FYB1: variants seen among roughly 807,000 people sequenced by gnomAD.
FYB1 encodes FYN-binding protein 1.
Under a neutral mutation model 94.1 loss-of-function variants are expected in FYB1, and 41 were observed. The ratio of observed to expected loss-of-function variants is 0.44; its 90% CI spans 0.34 to 0.57. FYB1 has a LOEUF of 0.57. Ranked by LOEUF, FYB1 falls within the 20% of genes least tolerant of loss-of-function variation. The probability of loss-of-function intolerance (pLI) is 0.02; values close to 1 mark genes in which losing one functional copy is unlikely to be tolerated. For missense variants in FYB1, 1,050 were observed against 976.8 expected (o/e 1.07, Z -1.00); for synonymous variants, 367 against 353.2 (o/e 1.04, Z -0.44).
intron 1 of FYB1, among the ~76,000 whole-genome samples, chr5:39,204,355 C>T (rs1240020896): frequency 1.3e-5 from 2 of 152,128 alleles, no homozygotes; most frequent in Non-Finnish European, 1.5e-5. Flanking sequence ...GAAAATGAGG[C>T]TGGAACTGCA....
At position 39,148,153 on chromosome 5, in the gene FYB1, TTTTA is replaced by T. The variant is rs1468444514; in HGVS notation, c.1292+5291_1292+5294del. ...TCATTATATGTATATTATATGTATTTTTTATATATATATATATATATATATATAT... is the reference window on the plus strand; with the variant it reads ...TCATTATATGTATATTATATGTATTTTATATATATATATATATATATATAT... On this transcript the variant is annotated intron_variant, in intron 3 of 18. Transcript: ENST00000512982. Among the ~76,000 whole-genome samples the T allele has an allele frequency of 7.9e-3, 631 of 79,410 alleles. 56 individuals are homozygous for T. Among genetic ancestry groups the T allele is most frequent in the African/African-American group, 0.014 (276 of 19,196 alleles). The allele number at this position is 79,410 out of a possible 152,430, so 52.1% of individuals were successfully genotyped here. A position where few individuals can be genotyped will look rare whatever the true frequency, so the allele number is the denominator to read the frequency against.
At chr5:39,201,062 A>C (rs1167741411) in intron 2 of FYB1, among the ~76,000 whole-genome samples, 1 of 152,210 alleles carries the variant, frequency 6.6e-6, no homozygotes, top group Non-Finnish European at 1.5e-5. Flanking sequence ...CTAACTATAT[A>C]TTACTTTATG....
intron 1 of FYB1, among the ~76,000 whole-genome samples, chr5:39,239,889 C>A (rs1582392): frequency 0.14 from 21,083 of 152,112 alleles, 3,837 homozygotes; most frequent in African/African-American, 0.4. Context: ...CTGTAGCCAT[C>A]ACATTACTCA....
At chr5:39,240,082 CCATATT>C (rs2150585470) in intron 1 of FYB1, among the ~76,000 whole-genome samples, 1 of 152,266 alleles carries the variant, frequency 6.6e-6, no homozygotes. Flanking sequence ...GGAAAGGACT[CCATATT>C]CATAAATGGT....
In FYB1 at chr5:39,126,011, T is replaced by C; in HGVS notation, c.2032A>G (p.Asn678Asp). The C allele has an allele frequency of 6.2e-7, 1 of 1,613,382 alleles. No homozygotes were observed. The highest frequency in any genetic ancestry group is 8.5e-7 in the Non-Finnish European group (1 of 1,179,600). ...EKPKVSDSDN[N>D]EGSSFPAPPK... ...GTTGACTCTTACGATGAACCTTCAT[T>C]ATTGTCTGAGTCAGAGACTTTAGGT... Residue 678 changes from asparagine to aspartate, a missense_variant, in exon 12 of 19, where the codon AAT becomes GAT. Coordinates refer to ENST00000512982, the MANE Select transcript of FYB1 (RefSeq NM_001465.6).
At position 39,263,417 on chromosome 5, in the gene FYB1, G is replaced by A. The variant is rs1379691515; in HGVS notation, c.-28+10986C>T. Among the ~76,000 whole-genome samples, 3 of 152,148 alleles carry A rather than the reference G, an allele frequency of 2.0e-5. No individual in the cohort carries two copies. In the East Asian group the frequency reaches 5.8e-4, roughly 29 times the overall value. On this transcript the variant is annotated intron_variant, in intron 1 of 1. Coordinates refer to the FYB1 transcript ENST00000510188. The stretch of plus-strand genomic sequence containing the variant: ...CAGTGGGATAGATCTTGCTGCAGAA[G>A]GTAGGTGTCCTCTTTTGCAGAAGGA...
intron 1 of FYB1, chr5:39,209,047 G>GCGCA (rs1749117208): frequency 1.3e-5 from 2 of 150,030 alleles, no homozygotes; most frequent in African/African-American, 4.9e-5. Context: ...CACACAATGC[G>GCGCA]CACACACACA....
chr5:39,176,137 G>GTTTT (rs70982547), intron 2 of FYB1, among the ~76,000 whole-genome samples: 20 of 61,660 alleles, frequency 3.2e-4, no homozygotes, highest in African/African-American at 8.0e-4. Context: ...TTTTTTTTCT[G>GTTTT]TTTTTTTTTT....
chr5:39,234,068 C>A (rs535624264), intron 1 of FYB1, among the ~76,000 whole-genome samples: 4 of 152,012 alleles, frequency 2.6e-5, no homozygotes, highest in Non-Finnish European at 5.9e-5. Flanking sequence ...TGACTGTGAA[C>A]GCCACATGCA....
At chr5:39,207,915 A>G (rs991094592) in intron 1 of FYB1, among the ~76,000 whole-genome samples, 2 of 152,210 alleles carry the variant, frequency 1.3e-5, no homozygotes, top group African/African-American at 2.4e-5. Flanking sequence ...GCCTCCCACA[A>G]GAAAGAATTA....
intron 1 of FYB1, among the ~76,000 whole-genome samples, chr5:39,233,934 G>A (rs560263770): frequency 2.0e-5 from 3 of 152,192 alleles, no homozygotes; most frequent in Admixed American, 6.5e-5. Flanking sequence ...GACATTGTGC[G>A]TTGCCTGAAA....
intron 2 of FYB1, among the ~76,000 whole-genome samples, chr5:39,197,198 T>G (rs1267247218): frequency 1.3e-5 from 2 of 152,260 alleles, no homozygotes; most frequent in South Asian, 2.1e-4. Flanking sequence ...AGTCTCTGCA[T>G]TCACTGAGCA....
At chr5:39,251,103 T>C (rs1026662557) in intron 1 of FYB1, among the ~76,000 whole-genome samples, 1 of 152,218 alleles carries the variant, frequency 6.6e-6, no homozygotes, top group East Asian at 1.9e-4. Context: ...GGTGAATGTA[T>C]CTCACTCAAA....
At chr5:39,182,313 G>GCA (rs1746329455) in intron 2 of FYB1, among the ~76,000 whole-genome samples, 1 of 132,650 alleles carries the variant, frequency 7.5e-6, no homozygotes, top group Non-Finnish European at 1.6e-5. Context: ...GTGTGTGTGT[G>GCA]TGTGTGTGTG....
chr5:39,144,375 TA>T (rs1187317853), intron 3 of FYB1, among the ~76,000 whole-genome samples: 2 of 152,208 alleles, frequency 1.3e-5, no homozygotes, highest in Non-Finnish European at 2.9e-5. Context: ...CAGGGACATA[TA>T]GCTATATTAT....
At chr5:39,110,988 A>C (rs1739024721) in intron 16 of FYB1, among the ~76,000 whole-genome samples, 1 of 152,018 alleles carries the variant, frequency 6.6e-6, no homozygotes, top group South Asian at 2.1e-4. Flanking sequence ...TTTGCATTTC[A>C]TCACTCATGG....
chr5:39,180,670 G>A (rs1204690628), intron 2 of FYB1, among the ~76,000 whole-genome samples: 18 of 152,152 alleles, frequency 1.2e-4, no homozygotes, highest in Admixed American at 1.2e-3. Context: ...CTGCCTCCAC[G>A]AAGTGGTAAA....
intron 1 of FYB1, among the ~76,000 whole-genome samples, chr5:39,217,568 T>C (rs2150545131): frequency 6.6e-6 from 1 of 152,286 alleles, no homozygotes; most frequent in African/African-American, 2.4e-5. Flanking sequence ...AACAGGTCAA[T>C]GGAGACGTTA....
chr5:39,201,390 C>T (rs1748300170), intron 2 of FYB1, among the ~76,000 whole-genome samples: 1 of 152,152 alleles, frequency 6.6e-6, no homozygotes, highest in South Asian at 2.1e-4. Flanking sequence ...CCATACATTG[C>T]CAAATGTCCC....
Sources: allele counts gnomAD v4.1 joint callset (sites outside exome capture counted in the v4.1 genomes callset), GRCh38; gene constraint gnomAD v4.1.1; transcripts MANE v1.5; gene names NCBI Gene and HGNC (gene_info 2026-07-23, HGNC 2026-07-21).